INPP5A: variants seen among roughly 807,000 people sequenced by gnomAD.
The protein encoded by INPP5A is inositol polyphosphate-5-phosphatase A.
Under a neutral mutation model 65.2 loss-of-function variants are expected in INPP5A, and 14 were observed. The ratio of observed to expected loss-of-function variants is 0.21; its 90% CI spans 0.14 to 0.34. INPP5A has a LOEUF of 0.34. Among genes scored for constraint, INPP5A ranks in the 10% least tolerant of loss-of-function variants. The pLI is 1.00. For synonymous variants in INPP5A, 207 were observed against 208.3 expected (o/e 0.99, Z 0.05); for missense variants, 431 against 545.6 (o/e 0.79, Z 2.09).
At chr10:132,765,706 A>G in intron 11 of INPP5A, 67 bp from the exon 12 acceptor site, 6 of 926,494 alleles carry the variant, frequency 6.5e-6, no homozygotes, top group Admixed American at 1.7e-5. Flanking sequence ...CCAGCTGCAC[A>G]CAGACACACG....
intron 5 of INPP5A, 27 bp downstream of exon 5, chr10:132,690,482 T>C: frequency 1.3e-6 from 2 of 1,573,334 alleles, no homozygotes; most frequent in South Asian, 2.2e-5. Context: ...TCTTCCGGGA[T>C]TTTGTCTCGG....
chr10:132,724,411 C>T (rs1182346573), intron 8 of INPP5A, among the ~76,000 whole-genome samples: 3 of 152,154 alleles, frequency 2.0e-5, no homozygotes, highest in African/African-American at 4.8e-5. Context: ...TCCATGCCCG[C>T]GTGGGGACTG....
At chr10:132,759,356 T>C (rs1846689111) in intron 11 of INPP5A, among the ~76,000 whole-genome samples, 2 of 145,140 alleles carry the variant, frequency 1.4e-5, no homozygotes, top group Admixed American at 6.8e-5. Flanking sequence ...TCTTATCCCC[T>C]GAGGCGCCTC....
chr10:132,723,394 C>G (rs117538247), intron 8 of INPP5A, among the ~76,000 whole-genome samples: 4,857 of 150,562 alleles, frequency 0.032, 110 homozygotes, highest in Non-Finnish European at 0.045. Flanking sequence ...AGCCAACTGA[C>G]GGCCGCGTCT....
intron 10 of INPP5A, 76 bp from the exon 11 acceptor site, chr10:132,749,695 C>T: frequency 6.3e-7 from 1 of 1,597,950 alleles, no homozygotes; most frequent in Non-Finnish European, 8.6e-7. Flanking sequence ...CCCTGCCTGC[C>T]CGGTTCGGTG....
rs769673701 is a variant in INPP5A, at chr10:132,546,348, C to T, written c.75+8177C>T. ...GAAGATGCCGCTTCTGGTTTTTCCC[C>T]GTTGTGAGTGAGAACAGCCCCACCT... On this transcript the variant is annotated intron_variant, in intron 1 of 15. Transcript: ENST00000368594. The surrounding 1 kb of genome is among the most constrained non-coding windows in gnomAD (Gnocchi z 5.7). 2.0e-5 allele frequency among the ~76,000 whole-genome samples: 3 copies of T among 152,088 alleles called. No homozygotes were observed. Among genetic ancestry groups the T allele is most frequent in the Non-Finnish European group, 2.9e-5 (2 of 68,024 alleles).
intron 5 of INPP5A, among the ~76,000 whole-genome samples, chr10:132,695,235 G>T (rs542109034): frequency 6.6e-6 from 1 of 151,990 alleles, no homozygotes; most frequent in South Asian, 2.1e-4. Context: ...GCAGGCAAAA[G>T]AAGGAAAATC....
chr10:132,612,768 C>G (rs2071977423), intron 2 of INPP5A, among the ~76,000 whole-genome samples: 1 of 152,208 alleles, frequency 6.6e-6, no homozygotes, highest in Admixed American at 6.5e-5. Context: ...TACATTTTGG[C>G]AGCAACAGCT....
chr10:132,571,338 G>A (rs1388904568), intron 1 of INPP5A, among the ~76,000 whole-genome samples: 1 of 152,242 alleles, frequency 6.6e-6, no homozygotes, highest in Non-Finnish European at 1.5e-5. Context: ...GCTGGGACCT[G>A]CCTACCCTCT....
At chr10:132,661,591 T>C (rs1320569394) in intron 4 of INPP5A, among the ~76,000 whole-genome samples, 1 of 152,190 alleles carries the variant, frequency 6.6e-6, no homozygotes, top group African/African-American at 2.4e-5. Context: ...TCAATCTTGT[T>C]AAGATGTCAT....
rs1478612242 is a variant in INPP5A, at chr10:132,538,475, A to G, written c.75+304A>G. ...CCCTGCCTCTGAACTCCTGTCTGCA[A>G]ATCCTGACCTCGAAACTCCAATATT... On this transcript the variant is annotated intron_variant, in intron 1 of 15. Transcript: ENST00000368594. This position sits in a 1 kb window ranked among gnomAD's most constrained non-coding sequence, Gnocchi z 4.1. Among the ~76,000 whole-genome samples the G allele has an allele frequency of 2.6e-5, 4 of 152,128 alleles. No individual in the cohort carries two copies. The highest frequency in any genetic ancestry group is 5.9e-5 in the Non-Finnish European group (4 of 68,004).
intron 8 of INPP5A, among the ~76,000 whole-genome samples, chr10:132,712,505 C>A (rs142147487): frequency 2.1e-4 from 30 of 142,794 alleles, no homozygotes; most frequent in Non-Finnish European, 3.9e-4. Context: ...GGTGTGTGCA[C>A]ACTTGCAGGG....
chr10:132,760,122 C>T (rs892968207), intron 11 of INPP5A, among the ~76,000 whole-genome samples: 2 of 152,248 alleles, frequency 1.3e-5, no homozygotes, highest in South Asian at 4.1e-4. Flanking sequence ...AGAGCTCCAG[C>T]TACTCGTTCC....
chr10:132,756,728 T>TA (rs35279506), intron 11 of INPP5A, among the ~76,000 whole-genome samples: 5 of 152,186 alleles, frequency 3.3e-5, no homozygotes, highest in Non-Finnish European at 7.3e-5. Flanking sequence ...TTCTACTTAA[T>TA]AAAAAAAGGT....
intron 8 of INPP5A, among the ~76,000 whole-genome samples, chr10:132,714,888 C>T (rs1210300089): frequency 1.3e-5 from 2 of 152,242 alleles, no homozygotes; most frequent in Non-Finnish European, 2.9e-5. Context: ...GAAATTGTTG[C>T]TGTTAACCTC....
intron 4 of INPP5A, 105 bp from the exon 5 acceptor site, chr10:132,690,287 C>G (rs1845236483): frequency 6.4e-6 from 5 of 779,894 alleles, no homozygotes; most frequent in Non-Finnish European, 8.7e-6. Context: ...ACTGGTGAAA[C>G]TCTTGCTCTA....
rs953530350 is a variant in INPP5A at position 132,747,973 on chromosome 10, C to T, written c.733-1544C>T. Among the ~76,000 whole-genome samples, 79 of 152,240 alleles carry T rather than the reference C, an allele frequency of 5.2e-4. 1 individual carries two copies. The highest frequency in any genetic ancestry group is 8.8e-5 in the Non-Finnish European group (6 of 68,016). ...GCTGAGGTGGGAGAATCACTTGAGC[C>T]CAGGAGGTCAAGGTTAAAACGAGCC... is the stretch of plus-strand genomic sequence containing the variant. On this transcript the variant is annotated intron_variant, in intron 9 of 15. Coordinates refer to ENST00000368594, the MANE Select transcript of INPP5A (RefSeq NM_005539.5).
chr10:132,711,690 G>A (rs984526704), intron 8 of INPP5A, among the ~76,000 whole-genome samples: 8 of 152,216 alleles, frequency 5.3e-5, no homozygotes, highest in African/African-American at 1.4e-4. Context: ...CTCAGACGCC[G>A]ACCTTCTGTT....
intron 1 of INPP5A, among the ~76,000 whole-genome samples, chr10:132,565,266 C>T (rs1332025718): frequency 6.6e-6 from 1 of 152,200 alleles, no homozygotes. Context: ...TGCACCACCA[C>T]ACCTGGCCAG....
Sources: allele counts gnomAD v4.1 joint callset (sites outside exome capture counted in the v4.1 genomes callset), GRCh38; gene constraint gnomAD v4.1.1; non-coding constraint Gnocchi (gnomAD v3.1); transcripts MANE v1.5; gene names NCBI Gene and HGNC (gene_info 2026-07-23, HGNC 2026-07-21).